CHD2: variants seen among roughly 807,000 people sequenced by gnomAD.
CHD2 encodes chromodomain helicase DNA binding protein 2.
CHD2 carries 28 observed loss-of-function variants against 243.9 expected under a neutral mutation model. That is an observed-to-expected ratio of 0.11 (90% CI 0.09 to 0.16). CHD2 has a LOEUF of 0.16. CHD2 is among the 10% of genes least tolerant of loss of function. CHD2 has a pLI of 1.00. For missense variants in CHD2, 1,386 were observed against 2,209.8 expected, an observed-to-expected ratio of 0.63 and a Z score of 7.47; for synonymous variants, 775 against 779.0, an observed-to-expected ratio of 0.99 and a Z score of 0.09.
chr15:92,901,424 GT>G, intron 2 of CHD2, 125 bp downstream of exon 2: 1 of 672,082 alleles, frequency 1.5e-6, no homozygotes, highest in Non-Finnish European at 2.6e-6. Flanking sequence ...ATTTGGATTC[GT>G]TTTTTAAAGC....
intron 6 of CHD2, 116 bp from the exon 7 acceptor site, chr15:92,939,462 C>T (rs909820321): frequency 2.7e-6 from 3 of 1,095,996 alleles, no homozygotes; most frequent in Non-Finnish European, 3.8e-6. Flanking sequence ...TAACATTCCC[C>T]AAGTGAAATG....
intron 2 of CHD2, among the ~76,000 whole-genome samples, chr15:92,910,654 C>T (rs2052715688): frequency 1.3e-5 from 2 of 152,190 alleles, no homozygotes; most frequent in Non-Finnish European, 2.9e-5. Flanking sequence ...CCTCCGCCTC[C>T]CAAAGTGCTG....
chr15:92,934,076 A>G (rs1387663667), intron 5 of CHD2, among the ~76,000 whole-genome samples: 2 of 152,178 alleles, frequency 1.3e-5, no homozygotes, highest in Non-Finnish European at 1.5e-5. Flanking sequence ...TCCCTCTTCC[A>G]GATGTCTTCT....
Position 92,916,564 on chromosome 15 carries a change from A to T in CHD2, c.63-7757A>T, listed in dbSNP as rs567531020. Among the ~76,000 whole-genome samples the T allele has an allele frequency of 2.1e-4, 32 of 152,066 alleles. No homozygotes were observed. The South Asian group carries it at 5.0e-3, about 24-fold the overall frequency. ...AATTACAGGATTCATACACTTTTTT[A>T]TTTTTTTGAGTTGGAGTCTCACCCT... On this transcript the variant is annotated intron_variant, in intron 2 of 38. Transcript: ENST00000394196.
intron 37 of CHD2, among the ~76,000 whole-genome samples, chr15:93,016,677 G>T (rs991079578): frequency 8.6e-5 from 13 of 151,782 alleles, no homozygotes; most frequent in African/African-American, 2.9e-4. Context: ...AGCTACTTGG[G>T]AGGCTGAGGT....
At chr15:92,909,321 C>T (rs1016662251) in intron 2 of CHD2, among the ~76,000 whole-genome samples, 1 of 152,004 alleles carries the variant, frequency 6.6e-6, no homozygotes, top group Non-Finnish European at 1.5e-5. Context: ...CTTCCTTTCC[C>T]TTGGGTTTAT....
chr15:92,903,735 T>C (rs1312445443), intron 2 of CHD2, among the ~76,000 whole-genome samples: 1 of 152,234 alleles, frequency 6.6e-6, no homozygotes, highest in African/African-American at 2.4e-5. Context: ...AAAACGGGAC[T>C]GTGTGCACAC....
At chr15:92,904,610 C>T (rs1003805450) in intron 2 of CHD2, 6 of 1,164,198 alleles carry the variant, frequency 5.2e-6, no homozygotes, top group East Asian at 5.5e-5. Context: ...GTAGTGTGTT[C>T]TTTTGCCCAT....
chr15:93,013,691 T>C (rs2054420726), intron 36 of CHD2, among the ~76,000 whole-genome samples: 1 of 152,032 alleles, frequency 6.6e-6, no homozygotes, highest in Admixed American at 6.5e-5. Context: ...TCCCAGCACT[T>C]TGGGAGGCTG....
At chr15:92,908,785 T>C (rs1182475006) in intron 2 of CHD2, among the ~76,000 whole-genome samples, 2 of 152,188 alleles carry the variant, frequency 1.3e-5, no homozygotes, top group African/African-American at 2.4e-5. Flanking sequence ...TGTTTCTATA[T>C]TAAATGTCAT....
rs771191916 is a variant in CHD2, at chr15:93,016,918, TAGAC to T, written c.4906+2012_4906+2015del. Among the ~76,000 whole-genome samples the T allele has an allele frequency of 5.9e-5, 9 of 152,254 alleles. No individual in the cohort carries two copies. The South Asian group carries it at 1.7e-3, about 28-fold the overall frequency. Reference sequence around the variant, plus strand: ...AACAAAATGAGCAAAAGTTATGAATTAGACAGTTCATGTAAAAGAGAAAATTCAA... The same window carrying T: ...AACAAAATGAGCAAAAGTTATGAATTAGTTCATGTAAAAGAGAAAATTCAA... On this transcript the variant is annotated intron_variant, in intron 37 of 38. Transcript: ENST00000394196.
At chr15:93,021,906 TTGGGTGCTGGATATTTC>T (rs2054538934) in intron 38 of CHD2, 1 of 152,222 alleles carries the variant, frequency 6.6e-6, no homozygotes, top group African/African-American at 2.4e-5. Context: ...ATTTACCTTG[TTGGGTGCTGGATATTTC>T]TGTATTCCTG....
chr15:92,971,590 T>C (rs1245528595), intron 17 of CHD2, among the ~76,000 whole-genome samples, 175 bp from the exon 18 acceptor site: 4 of 152,310 alleles, frequency 2.6e-5, no homozygotes, highest in Admixed American at 2.6e-4. Flanking sequence ...ACTGGAGATG[T>C]GAAAGATGTA....
intron 19 of CHD2, among the ~76,000 whole-genome samples, chr15:92,972,940 G>A (rs2053861544): frequency 6.6e-6 from 1 of 152,112 alleles, no homozygotes; most frequent in Admixed American, 6.5e-5. Flanking sequence ...GTCATGAGGA[G>A]ACGATTCTTT....
At chr15:92,904,378 C>T (rs2052578341) in intron 2 of CHD2, 2 of 920,084 alleles carry the variant, frequency 2.2e-6, no homozygotes, top group African/African-American at 1.8e-5. Flanking sequence ...CAGCCTCCGC[C>T]CCGTGACGTC....
chr15:92,918,834 C>A (rs1182660941), intron 2 of CHD2, among the ~76,000 whole-genome samples: 2 of 151,228 alleles, frequency 1.3e-5, no homozygotes, highest in East Asian at 3.9e-4. Context: ...CATATATATA[C>A]ATACACACAT....
chr15:92,904,070 G>A (rs1014186351), intron 2 of CHD2, among the ~76,000 whole-genome samples: 8 of 152,332 alleles, frequency 5.3e-5, no homozygotes, highest in African/African-American at 1.9e-4. Flanking sequence ...AAATACCAAA[G>A]CCTATTTCCT....
At chr15:93,002,925 T>G (rs2054275508) in intron 33 of CHD2, among the ~76,000 whole-genome samples, 1 of 152,204 alleles carries the variant, frequency 6.6e-6, no homozygotes, top group African/African-American at 2.4e-5. Context: ...ATAAGTGCCT[T>G]TGAAACTTTT....
At chr15:92,937,458 A>G in intron 5 of CHD2, 60 bp from the exon 6 acceptor site, 1 of 1,283,290 alleles carries the variant, frequency 7.8e-7, no homozygotes, top group Non-Finnish European at 1.1e-6. Context: ...GTTTTGTCGG[A>G]TTATTTATCT....
Sources: allele counts gnomAD v4.1 joint callset (sites outside exome capture counted in the v4.1 genomes callset), GRCh38; gene constraint gnomAD v4.1.1; transcripts MANE v1.5; gene names NCBI Gene and HGNC (gene_info 2026-07-23, HGNC 2026-07-21).